ITGBL1: variants seen among roughly 807,000 people sequenced by gnomAD.
ITGBL1 encodes integrin subunit beta like 1, also known as integrin beta-like protein 1.
A neutral mutation model predicts 68.5 loss-of-function variants in ITGBL1; 51 were observed. That is an observed-to-expected ratio of 0.74 (90% CI 0.59 to 0.94). The LOEUF is 0.94. Ranked by LOEUF, ITGBL1 falls within the 40% of genes least tolerant of loss-of-function variation. The pLI, the probability that ITGBL1 is intolerant of heterozygous loss-of-function variation, is 0.00. For missense variants in ITGBL1, 649 were observed against 647.4 expected, an observed-to-expected ratio of 1.00 and a Z score of -0.03; for synonymous variants, 209 against 227.3, an observed-to-expected ratio of 0.92 and a Z score of 0.72.
chr13:101,624,000 A>G (rs1293966128), intron 7 of ITGBL1, among the ~76,000 whole-genome samples: 2 of 152,302 alleles, frequency 1.3e-5, no homozygotes, highest in East Asian at 3.9e-4. Flanking sequence ...CCCAGTTTAC[A>G]ATGTATACAA....
chr13:101,618,970 G>C (rs1192946180), intron 7 of ITGBL1, among the ~76,000 whole-genome samples: 1 of 152,052 alleles, frequency 6.6e-6, no homozygotes, highest in Non-Finnish European at 1.5e-5. Flanking sequence ...GGTCACCACT[G>C]GGGGCAGGTG....
chr13:101,535,775 GTC>G (rs1424040140), intron 2 of ITGBL1, among the ~76,000 whole-genome samples: 13 of 152,052 alleles, frequency 8.5e-5, no homozygotes, highest in Admixed American at 8.5e-4. Flanking sequence ...TTTGCGAAGA[GTC>G]TGAAAAAAAT....
chr13:101,622,690 A>G (rs937857080), intron 7 of ITGBL1, among the ~76,000 whole-genome samples: 7 of 152,198 alleles, frequency 4.6e-5, no homozygotes, highest in African/African-American at 1.7e-4. Context: ...AGATGGATCC[A>G]GTGTTTTTTT....
At chr13:101,684,639 T>G (rs1471141860) in intron 7 of ITGBL1, among the ~76,000 whole-genome samples, 1 of 151,934 alleles carries the variant, frequency 6.6e-6, no homozygotes, top group Non-Finnish European at 1.5e-5. Context: ...ATGCACAGTT[T>G]TCGGTTAAGT....
At chr13:101,569,787 A>G (rs1243310263) in intron 3 of ITGBL1, among the ~76,000 whole-genome samples, 1 of 152,182 alleles carries the variant, frequency 6.6e-6, no homozygotes, top group Non-Finnish European at 1.5e-5. Flanking sequence ...TGTGTTCTCA[A>G]AATGTTTCAT....
intron 7 of ITGBL1, among the ~76,000 whole-genome samples, chr13:101,605,044 ATATATGTG>A (rs200902136): frequency 0.079 from 10,891 of 138,526 alleles, 727 homozygotes; most frequent in African/African-American, 0.17. Context: ...ACATATACGC[ATATATGTG>A]TATATGTGTA....
intron 2 of ITGBL1, among the ~76,000 whole-genome samples, chr13:101,472,952 GA>G (rs1468128106): frequency 1.3e-5 from 2 of 152,074 alleles, no homozygotes; most frequent in Non-Finnish European, 2.9e-5. Context: ...TATAAATTAA[GA>G]GTTGTATATA....
At chr13:101,533,948 C>A (rs546367032) in intron 2 of ITGBL1, among the ~76,000 whole-genome samples, 1 of 152,094 alleles carries the variant, frequency 6.6e-6, no homozygotes, top group Non-Finnish European at 1.5e-5. Flanking sequence ...CAAATCTTTG[C>A]CTATTTTCCA....
chr13:101,495,601 G>C (rs536489518), intron 2 of ITGBL1, among the ~76,000 whole-genome samples: 66 of 151,628 alleles, frequency 4.4e-4, no homozygotes, highest in Admixed American at 7.2e-4. Flanking sequence ...TTTGTACAAA[G>C]AGGTAACTAG....
intron 6 of ITGBL1, among the ~76,000 whole-genome samples, chr13:101,586,223 C>G (rs972489624): frequency 1.3e-5 from 2 of 152,192 alleles, no homozygotes; most frequent in African/African-American, 4.8e-5. Context: ...CTCACATTTT[C>G]CTTTCTTTCA....
chr13:101,582,992 A>G (rs2050487257), intron 5 of ITGBL1, among the ~76,000 whole-genome samples: 1 of 152,204 alleles, frequency 6.6e-6, no homozygotes, highest in Non-Finnish European at 1.5e-5. Flanking sequence ...CTAATGACAC[A>G]TTCCACCAAC....
At chr13:101,633,078 T>C (rs975305966) in intron 7 of ITGBL1, among the ~76,000 whole-genome samples, 3 of 152,204 alleles carry the variant, frequency 2.0e-5, no homozygotes, top group African/African-American at 7.2e-5. Context: ...TAATGAACTT[T>C]CTGTTGGAAT....
intron 2 of ITGBL1, among the ~76,000 whole-genome samples, chr13:101,511,629 C>A (rs1011088409): frequency 6.6e-6 from 1 of 152,108 alleles, no homozygotes; most frequent in Non-Finnish European, 1.5e-5. Flanking sequence ...GCAGCAGAGA[C>A]TCTCGCCCTC....
intron 7 of ITGBL1, among the ~76,000 whole-genome samples, chr13:101,621,874 G>C (rs2031598299): frequency 6.6e-6 from 1 of 152,104 alleles, no homozygotes; most frequent in South Asian, 2.1e-4. Flanking sequence ...CCAAAGCCTG[G>C]ATCAGACAAG....
At chr13:101,458,733 C>A in intron 2 of ITGBL1, among the ~76,000 whole-genome samples, 1 of 152,234 alleles carries the variant, frequency 6.6e-6, no homozygotes, top group East Asian at 1.9e-4. Flanking sequence ...ATACCTCATG[C>A]AATGTAAATG....
chr13:101,716,640 A>T (rs2034733710), downstream of ITGBL1: 1 of 152,102 alleles, frequency 6.6e-6, no homozygotes, highest in South Asian at 2.1e-4. Flanking sequence ...TGAGTTACAT[A>T]TAAAATGGGC....
chr13:101,580,279 C>G (rs1464293465), intron 5 of ITGBL1, among the ~76,000 whole-genome samples: 11 of 152,048 alleles, frequency 7.2e-5, no homozygotes. Context: ...TCGTAGCATA[C>G]CACCTGTCAG....
At chr13:101,588,422 T>C (rs1239352656) in intron 6 of ITGBL1, among the ~76,000 whole-genome samples, 1 of 152,150 alleles carries the variant, frequency 6.6e-6, no homozygotes, top group Non-Finnish European at 1.5e-5. Flanking sequence ...CTTTCATCTC[T>C]ATTTCATTGA....
chr13:101,528,296 ATAT>A (rs67110226), intron 2 of ITGBL1, among the ~76,000 whole-genome samples: 18,212 of 151,480 alleles, frequency 0.12, 1,588 homozygotes, highest in African/African-American at 0.24. Flanking sequence ...TGCCTTTATA[ATAT>A]TCAAGGAATC....
Sources: allele counts gnomAD v4.1 joint callset (sites outside exome capture counted in the v4.1 genomes callset), GRCh38; gene constraint gnomAD v4.1.1; transcripts MANE v1.5; gene names NCBI Gene and HGNC (gene_info 2026-07-23, HGNC 2026-07-21).